Variants in ROBO1 observed in about 807,000 individuals in gnomAD.
ROBO1 encodes the protein roundabout homolog 1.
ROBO1 carries 149 observed loss-of-function variants against 195.9 expected under a neutral mutation model. That is an observed-to-expected ratio of 0.76 (90% confidence interval 0.67 to 0.87). The LOEUF (loss-of-function observed/expected upper bound fraction) is 0.87, where lower values mean the gene tolerates loss of function less well. Among genes scored for constraint, ROBO1 ranks in the 40% least tolerant of loss-of-function variants. The probability of loss-of-function intolerance (pLI) is 0.00; values close to 1 mark genes in which losing one functional copy is unlikely to be tolerated. For synonymous variants in ROBO1, 816 were observed against 733.2 expected, an observed-to-expected ratio of 1.11 and a Z score of -1.82; for missense variants, 1,933 against 2,068.3, an observed-to-expected ratio of 0.93 and a Z score of 1.27.
chr3:79,551,456 C>T (rs7651899), intron 2 of ROBO1, among the ~76,000 whole-genome samples: 36,324 of 151,430 alleles, frequency 0.24, 4,922 homozygotes, highest in African/African-American at 0.36. Context: ...GTTTTGGATT[C>T]AAATCATTGT....
At chr3:79,619,799 G>A (rs1465439534) in intron 1 of ROBO1, among the ~76,000 whole-genome samples, 1 of 152,126 alleles carries the variant, frequency 6.6e-6, no homozygotes, top group African/African-American at 2.4e-5. Flanking sequence ...ACAGAAAACA[G>A]TCTTATTCTG....
intron 4 of ROBO1, among the ~76,000 whole-genome samples, chr3:78,853,183 AG>A (rs983990111): frequency 3.9e-5 from 6 of 152,022 alleles, no homozygotes; most frequent in Non-Finnish European, 8.8e-5. Flanking sequence ...TTTGAAGAGC[AG>A]GGGAGAAGAA....
intron 3 of ROBO1, chr3:79,019,109 G>T (rs2078038228): frequency 2.0e-6 from 2 of 987,362 alleles, no homozygotes; most frequent in Non-Finnish European, 2.4e-6. Flanking sequence ...ATCACTTGGG[G>T]GATGCGGAGG....
chr3:79,632,320 C>T (rs183062884), intron 1 of ROBO1, among the ~76,000 whole-genome samples: 98 of 152,220 alleles, frequency 6.4e-4, no homozygotes, highest in Admixed American at 6.4e-3. Flanking sequence ...GAAATCATGG[C>T]TTTTGCAGCA....
intron 3 of ROBO1, among the ~76,000 whole-genome samples, chr3:79,084,679 T>C (rs1006976638): frequency 2.0e-5 from 3 of 152,300 alleles, no homozygotes; most frequent in Middle Eastern, 3.4e-3. Flanking sequence ...AAAATTCACA[T>C]GATTATTAAA....
chr3:79,575,283 TAAATATATATAAC>T (rs1358377924), intron 2 of ROBO1, among the ~76,000 whole-genome samples: 1 of 120,190 alleles, frequency 8.3e-6, no homozygotes, highest in East Asian at 2.2e-4. Flanking sequence ...AATATATATA[TAAATATATATAAC>T]AAATATATAT....
At chr3:79,229,754 T>G (rs1329953313) in intron 2 of ROBO1, among the ~76,000 whole-genome samples, 1 of 152,130 alleles carries the variant, frequency 6.6e-6, no homozygotes, top group East Asian at 1.9e-4. Flanking sequence ...TGTGACATGA[T>G]AAAAATGAGA....
intron 10 of ROBO1, among the ~76,000 whole-genome samples, chr3:78,684,028 A>C (rs888451279): frequency 6.6e-6 from 1 of 152,132 alleles, no homozygotes; most frequent in African/African-American, 2.4e-5. Flanking sequence ...TTTCAAATAC[A>C]TGGGAAAACA....
At chr3:79,669,432 G>A (rs562287279) in intron 1 of ROBO1, among the ~76,000 whole-genome samples, 1 of 151,784 alleles carries the variant, frequency 6.6e-6, no homozygotes. Context: ...TAACACAATC[G>A]TAATGCAACA....
intron 2 of ROBO1, among the ~76,000 whole-genome samples, chr3:79,173,586 C>T (rs1159832445): frequency 6.6e-6 from 1 of 152,094 alleles, no homozygotes; most frequent in Non-Finnish European, 1.5e-5. Context: ...GACCTGCAGC[C>T]CGCCATGCCT....
intron 2 of ROBO1, among the ~76,000 whole-genome samples, chr3:79,257,486 T>TC (rs2082856476): frequency 1.3e-5 from 2 of 152,138 alleles, no homozygotes; most frequent in Admixed American, 1.3e-4. Flanking sequence ...CAGTGAATCT[T>TC]CGGTTTGTAC....
intron 3 of ROBO1, among the ~76,000 whole-genome samples, chr3:79,116,749 C>T (rs537224811): frequency 6.6e-6 from 1 of 151,878 alleles, no homozygotes; most frequent in African/African-American, 2.4e-5. Flanking sequence ...AACTCCTGAC[C>T]GTAAGTGATC....
intron 22 of ROBO1, 94 bp from the exon 23 acceptor site, chr3:78,636,202 C>T (rs1251050445): frequency 1.8e-5 from 16 of 903,916 alleles, no homozygotes; most frequent in African/African-American, 3.4e-5. Context: ...ATCAGAAAAT[C>T]GTTATGTAAA....
chr3:78,886,105 T>G (rs2036555632), intron 4 of ROBO1, among the ~76,000 whole-genome samples: 1 of 151,682 alleles, frequency 6.6e-6, no homozygotes, highest in Admixed American at 6.6e-5. Flanking sequence ...TTATGTCAAA[T>G]ATTTAACCAG....
intron 2 of ROBO1, among the ~76,000 whole-genome samples, chr3:79,457,669 G>A (rs1035767300): frequency 6.6e-6 from 1 of 152,070 alleles, no homozygotes; most frequent in Non-Finnish European, 1.5e-5. Context: ...TCTTGAATAA[G>A]TCTCACAAGA....
intron 1 of ROBO1, among the ~76,000 whole-genome samples, chr3:79,711,758 G>A (rs1702284398): frequency 6.6e-6 from 1 of 152,118 alleles, no homozygotes; most frequent in Non-Finnish European, 1.5e-5. Flanking sequence ...GGCAACACGT[G>A]TTGAGCAAGT....
At chr3:79,471,219 G>A (rs115723043) in intron 2 of ROBO1, among the ~76,000 whole-genome samples, 1,620 of 152,048 alleles carry the variant, frequency 0.011, 29 homozygotes, top group African/African-American at 0.037. Flanking sequence ...ATATCATAGG[G>A]GAAATGCTTT....
chr3:78,680,282 C>A (rs1281391116), intron 10 of ROBO1, among the ~76,000 whole-genome samples: 1 of 152,298 alleles, frequency 6.6e-6, no homozygotes, highest in African/African-American at 2.4e-5. Flanking sequence ...GCAAGGACTT[C>A]ATGTCTAAAA....
intron 2 of ROBO1, among the ~76,000 whole-genome samples, chr3:79,513,277 A>G (rs1396812579): frequency 6.6e-6 from 1 of 152,148 alleles, no homozygotes; most frequent in Non-Finnish European, 1.5e-5. Flanking sequence ...AAACTAGTAG[A>G]TGACTTAAAA....
Sources: allele counts gnomAD v4.1 joint callset (sites outside exome capture counted in the v4.1 genomes callset), GRCh38; gene constraint gnomAD v4.1.1; transcripts MANE v1.5; gene names NCBI Gene and HGNC (gene_info 2026-07-23, HGNC 2026-07-21).